SEMA5A: variants seen among roughly 807,000 people sequenced by gnomAD.
SEMA5A encodes the protein semaphorin 5A.
In SEMA5A, 55 loss-of-function variants were observed where a neutral mutation model predicts 135.5. The ratio of observed to expected loss-of-function variants is 0.41; its 90% confidence interval spans 0.33 to 0.51. SEMA5A has a LOEUF of 0.51. SEMA5A is among the 20% of genes least tolerant of loss of function. SEMA5A has a pLI of 0.37. For missense variants in SEMA5A, 1,290 were observed against 1,419.9 expected, an observed-to-expected ratio of 0.91 and a Z score of 1.47; for synonymous variants, 580 against 546.5, an observed-to-expected ratio of 1.06 and a Z score of -0.85.
At chr5:9,273,646 C>A (rs1364163127) in intron 5 of SEMA5A, among the ~76,000 whole-genome samples, 5 of 152,126 alleles carry the variant, frequency 3.3e-5, no homozygotes, top group African/African-American at 1.2e-4. Context: ...GATCTCGCAG[C>A]AGAAACTCTA....
chr5:9,398,958 G>A (rs1018794201), intron 2 of SEMA5A, among the ~76,000 whole-genome samples: 1 of 152,068 alleles, frequency 6.6e-6, no homozygotes, highest in African/African-American at 2.4e-5. Context: ...CAAAAATATT[G>A]TACCATCATC....
intron 1 of SEMA5A, among the ~76,000 whole-genome samples, chr5:9,458,306 T>C (rs1348963791): frequency 6.6e-6 from 1 of 152,212 alleles, no homozygotes; most frequent in East Asian, 1.9e-4. Context: ...CTTTGTTCCC[T>C]AGTCATAGCA....
intron 8 of SEMA5A, among the ~76,000 whole-genome samples, chr5:9,209,931 C>T (rs1365131524): frequency 1.3e-5 from 2 of 152,182 alleles, no homozygotes; most frequent in African/African-American, 4.8e-5. Context: ...CAGGCAAGGA[C>T]ATCAAGAGGG....
Position 9,044,533 on chromosome 5 carries a change from C to A in SEMA5A, c.2945G>T (p.Gly982Val), listed in dbSNP as rs1344487159. The part of the protein sequence containing the change: ...IAVGLSSSIL[G>V]CLLTLLVYTY... Reference sequence around the variant, plus strand: ...ATAGACGAGCAGGGTGAGGAGGCAGCCGAGGATGGAGCTGCTCAGCCCCAC... The same window carrying A: ...ATAGACGAGCAGGGTGAGGAGGCAGACGAGGATGGAGCTGCTCAGCCCCAC... The change falls in exon 22 of 23, where the codon GGC becomes GTC. Residue 982 changes from glycine (G) to valine (V), a missense_variant. Physicochemically the swap from Gly to Val is moderately radical, Grantham distance 109. Coordinates refer to ENST00000382496, the MANE Select transcript of SEMA5A (RefSeq NM_003966.3). The A allele has an allele frequency of 3.7e-6, 6 of 1,613,844 alleles. No homozygotes were observed. Among genetic ancestry groups the A allele is most frequent in the Non-Finnish European group, 5.1e-6 (6 of 1,180,028 alleles).
chr5:9,162,620 A>T (rs927043524), intron 11 of SEMA5A, among the ~76,000 whole-genome samples: 2 of 147,732 alleles, frequency 1.4e-5, no homozygotes, highest in African/African-American at 5.0e-5. Flanking sequence ...TTCTTCCTTA[A>T]TGTAAGAAAT....
At chr5:9,543,673 A>G (rs890535438) in intron 1 of SEMA5A, among the ~76,000 whole-genome samples, 8 of 152,126 alleles carry the variant, frequency 5.3e-5, no homozygotes, top group Admixed American at 3.3e-4. Flanking sequence ...CAGTTTGTCA[A>G]CCCCACACTT....
intron 1 of SEMA5A, among the ~76,000 whole-genome samples, chr5:9,525,651 C>T (rs1215634188): frequency 6.6e-6 from 1 of 152,220 alleles, no homozygotes; most frequent in Admixed American, 6.5e-5. Flanking sequence ...ACTTCAATCA[C>T]TGGGACACCT....
At chr5:9,389,984 T>A (rs190865009) in intron 2 of SEMA5A, among the ~76,000 whole-genome samples, 1 of 152,322 alleles carries the variant, frequency 6.6e-6, no homozygotes, top group Admixed American at 6.5e-5. Flanking sequence ...AGTGGATTGA[T>A]GGAGAAAAAG....
intron 12 of SEMA5A, among the ~76,000 whole-genome samples, chr5:9,140,601 T>C (rs1742014529): frequency 6.6e-6 from 1 of 152,212 alleles, no homozygotes; most frequent in Non-Finnish European, 1.5e-5. Context: ...TGAGAGTGTC[T>C]TCATCTTACT....
chr5:9,462,756 A>T (rs773789444), intron 1 of SEMA5A, among the ~76,000 whole-genome samples: 9 of 152,188 alleles, frequency 5.9e-5, no homozygotes, highest in Admixed American at 6.5e-5. Flanking sequence ...TTTCTCACTT[A>T]TAAGTGGGAG....
At chr5:9,192,686 G>A (rs1436791847) in intron 10 of SEMA5A, among the ~76,000 whole-genome samples, 1 of 152,122 alleles carries the variant, frequency 6.6e-6, no homozygotes, top group Non-Finnish European at 1.5e-5. Context: ...TTTAAAAAAT[G>A]AAAAAGAGCT....
intron 2 of SEMA5A, among the ~76,000 whole-genome samples, chr5:9,390,428 A>G (rs1756111306): frequency 6.6e-6 from 1 of 152,272 alleles, no homozygotes; most frequent in South Asian, 2.1e-4. Flanking sequence ...CACACCAGAA[A>G]GAAACTTACT....
At chr5:9,160,948 A>T (rs1231458026) in intron 11 of SEMA5A, among the ~76,000 whole-genome samples, 1 of 152,204 alleles carries the variant, frequency 6.6e-6, no homozygotes, top group African/African-American at 2.4e-5. Flanking sequence ...GTGTAACTTG[A>T]AAAGGACAAA....
intron 10 of SEMA5A, 128 bp downstream of exon 10, chr5:9,197,040 T>A: frequency 1.5e-6 from 2 of 1,319,774 alleles, no homozygotes; most frequent in Admixed American, 4.1e-5. Context: ...GGGCTGTCCA[T>A]GAGGGGCCAG....
chr5:9,120,778 GGATT>G (rs1560935671), intron 14 of SEMA5A, among the ~76,000 whole-genome samples: 1 of 136,440 alleles, frequency 7.3e-6, no homozygotes, highest in Non-Finnish European at 1.5e-5. Flanking sequence ...TAGCAAATGT[GGATT>G]GATTTTTTTT....
chr5:9,394,254 C>G (rs1250532428), intron 2 of SEMA5A, among the ~76,000 whole-genome samples: 1 of 152,130 alleles, frequency 6.6e-6, no homozygotes, highest in African/African-American at 2.4e-5. Flanking sequence ...ACACACTCCC[C>G]CATGTCCATT....
intron 1 of SEMA5A, among the ~76,000 whole-genome samples, chr5:9,533,215 T>C (rs1737555824): frequency 6.6e-6 from 1 of 152,212 alleles, no homozygotes; most frequent in Non-Finnish European, 1.5e-5. Context: ...AGGATACATT[T>C]GAACTTGTTA....
At chr5:9,389,699 T>A (rs1359215145) in intron 2 of SEMA5A, among the ~76,000 whole-genome samples, 1 of 152,212 alleles carries the variant, frequency 6.6e-6, no homozygotes, top group Non-Finnish European at 1.5e-5. Context: ...TTCTTACCTC[T>A]GCAATTTCAG....
chr5:9,310,794 C>CATATAAACAT (rs1362364083), intron 5 of SEMA5A, among the ~76,000 whole-genome samples: 6 of 72,074 alleles, frequency 8.3e-5, no homozygotes, highest in African/African-American at 1.8e-4. Context: ...TCATAGTTTG[C>CATATAAACAT]ATATATACAT....
Sources: allele counts gnomAD v4.1 joint callset (sites outside exome capture counted in the v4.1 genomes callset), GRCh38; gene constraint gnomAD v4.1.1; transcripts MANE v1.5; gene names NCBI Gene and HGNC (gene_info 2026-07-23, HGNC 2026-07-21).